Variants in PPP4R3B observed in about 807,000 individuals in gnomAD.
The protein encoded by PPP4R3B is protein phosphatase 4 regulatory subunit 3B, also known as serine/threonine-protein phosphatase 4 regulatory subunit 3B.
In PPP4R3B, 52 loss-of-function variants were observed where a neutral mutation model predicts 95.4. The observed-to-expected ratio is 0.54, with a 90% CI of 0.44 to 0.69. PPP4R3B has a LOEUF of 0.69. Ranked by LOEUF, PPP4R3B falls within the 30% of genes least tolerant of loss-of-function variation. The pLI is 0.00. For synonymous variants in PPP4R3B, 407 were observed against 343.9 expected, an observed-to-expected ratio of 1.18 and a Z score of -2.03; for missense variants, 1,003 against 1,005.9, an observed-to-expected ratio of 1.00 and a Z score of 0.04.
intron 7 of PPP4R3B, among the ~76,000 whole-genome samples, chr2:55,582,186 T>G (rs1689531694): frequency 6.6e-6 from 1 of 152,328 alleles, no homozygotes; most frequent in Middle Eastern, 3.4e-3. Flanking sequence ...TACACAACTC[T>G]TCATGCAAGT....
At chr2:55,565,074 A>T (rs765337429) in intron 13 of PPP4R3B, 33 bp from the exon 14 acceptor site, 2 of 1,476,438 alleles carry the variant, frequency 1.4e-6, no homozygotes, top group South Asian at 1.3e-5. Flanking sequence ...TTTAAAATAT[A>T]ATACAATGCT....
At chr2:55,556,228 T>C (rs535312704) in intron 16 of PPP4R3B, among the ~76,000 whole-genome samples, 1 of 152,324 alleles carries the variant, frequency 6.6e-6, no homozygotes, top group South Asian at 2.1e-4. Context: ...GTGTCTACAG[T>C]GATAGAGCAA....
In PPP4R3B at chr2:55,569,845, A is replaced by T. The variant is rs1687779236; in HGVS notation, c.1766-1482T>A. Among the ~76,000 whole-genome samples, 4 of 152,198 alleles carry T rather than the reference A, an allele frequency of 2.6e-5. No individual in the cohort carries two copies. The South Asian group carries it at 8.3e-4, about 32-fold the overall frequency. On this transcript the variant is annotated intron_variant, in intron 12 of 16. Coordinates refer to ENST00000616407, the MANE Select transcript of PPP4R3B (RefSeq NM_001122964.3). ...TATTTCTACAATCTCTCATCTCTGC[A>T]CACGGGGAGAAAAACCCACCGACCC...
At chr2:55,550,055 G>C (rs1685070697) in intron 16 of PPP4R3B, 49 bp from the exon 17 acceptor site, 2 of 1,213,130 alleles carry the variant, frequency 1.6e-6, no homozygotes, top group Non-Finnish European at 1.2e-6. Context: ...TAACAAAAAA[G>C]AGCTTTTAGT....
At chr2:55,568,163 A>T in intron 13 of PPP4R3B, 31 bp downstream of exon 13, 6 of 1,369,654 alleles carry the variant, frequency 4.4e-6, no homozygotes, top group Non-Finnish European at 5.8e-6. Flanking sequence ...ATATAATTAC[A>T]TATAATAACA....
intron 7 of PPP4R3B, 74 bp downstream of exon 7, chr2:55,584,977 T>A: frequency 9.1e-7 from 1 of 1,101,488 alleles, no homozygotes; most frequent in Non-Finnish European, 1.3e-6. Flanking sequence ...TATGTTATGT[T>A]TTTTCTCTCA....
chr2:55,557,202 A>G (rs575260577), intron 16 of PPP4R3B, among the ~76,000 whole-genome samples: 1 of 152,276 alleles, frequency 6.6e-6, no homozygotes, highest in South Asian at 2.1e-4. Context: ...TATGGCAAAT[A>G]TTCTTTTTTG....
At chr2:55,613,325 TTC>T (rs1156637286) in intron 2 of PPP4R3B, among the ~76,000 whole-genome samples, 10 of 151,460 alleles carry the variant, frequency 6.6e-5, no homozygotes, top group Admixed American at 1.3e-4. Context: ...ATTACCAGAG[TTC>T]TCTTATACAC....
intron 2 of PPP4R3B, among the ~76,000 whole-genome samples, chr2:55,606,870 G>A (rs1385980660): frequency 1.3e-5 from 2 of 148,190 alleles, no homozygotes; most frequent in South Asian, 2.1e-4. Flanking sequence ...TTTAATAACC[G>A]AACTTTTTGA....
intron 3 of PPP4R3B, among the ~76,000 whole-genome samples, chr2:55,600,329 G>A (rs2103691458): frequency 6.7e-6 from 1 of 148,338 alleles, no homozygotes; most frequent in Non-Finnish European, 1.5e-5. Context: ...GAGAGGCTGA[G>A]GCAGCAGAAC....
At chr2:55,606,632 G>A (rs1693438089) in intron 2 of PPP4R3B, among the ~76,000 whole-genome samples, 1 of 151,912 alleles carries the variant, frequency 6.6e-6, no homozygotes, top group South Asian at 2.1e-4. Flanking sequence ...GACCAGTATG[G>A]CCAACATGGT....
At chr2:55,554,612 G>C (rs1685609108) in intron 16 of PPP4R3B, among the ~76,000 whole-genome samples, 2 of 152,148 alleles carry the variant, frequency 1.3e-5, no homozygotes, top group South Asian at 2.1e-4. Flanking sequence ...GTCATGCTGA[G>C]GTGTAAGAGT....
chr2:55,556,826 G>A (rs905827594), intron 16 of PPP4R3B, among the ~76,000 whole-genome samples: 4 of 152,116 alleles, frequency 2.6e-5, no homozygotes, highest in Non-Finnish European at 4.4e-5. Flanking sequence ...TAACACTGTG[G>A]GAAGCTGAGC....
intron 12 of PPP4R3B, among the ~76,000 whole-genome samples, chr2:55,569,895 G>A (rs1458348697): frequency 1.3e-5 from 2 of 152,164 alleles, no homozygotes; most frequent in Non-Finnish European, 2.9e-5. Context: ...CTACACTAAA[G>A]AGGCTCCTGA....
At chr2:55,553,357 C>T (rs967718535) in intron 16 of PPP4R3B, among the ~76,000 whole-genome samples, 2 of 152,116 alleles carry the variant, frequency 1.3e-5, no homozygotes, top group African/African-American at 4.8e-5. Flanking sequence ...TAGATGGCTT[C>T]ACAGGAGTAT....
chr2:55,563,590 T>G (rs1286778198), intron 15 of PPP4R3B, among the ~76,000 whole-genome samples: 1 of 151,934 alleles, frequency 6.6e-6, no homozygotes, highest in African/African-American at 2.4e-5. Flanking sequence ...CCCAGGGTGG[T>G]TTGGAACTCC....
chr2:55,583,011 ATTTCC>A (rs932990012), intron 7 of PPP4R3B, among the ~76,000 whole-genome samples: 1 of 152,070 alleles, frequency 6.6e-6, no homozygotes, highest in African/African-American at 2.4e-5. Context: ...AAATGTTAAT[ATTTCC>A]TTTCATCTTA....
At chr2:55,616,814 G>A (rs961704629) in intron 1 of PPP4R3B, among the ~76,000 whole-genome samples, 1 of 152,062 alleles carries the variant, frequency 6.6e-6, no homozygotes, top group African/African-American at 2.4e-5. Flanking sequence ...TAAAGGGGGA[G>A]GAAGGTGTCA....
intron 4 of PPP4R3B, chr2:55,591,606 A>G (rs1303592071): frequency 7.1e-6 from 7 of 984,030 alleles, no homozygotes; most frequent in Non-Finnish European, 8.4e-6. Context: ...AAATATTTTC[A>G]TAAGAAAAAA....
Sources: gnomAD v4.1 joint callset for allele counts (sites outside exome capture counted in the v4.1 genomes callset) on GRCh38, gnomAD v4.1.1 for gene constraint, MANE v1.5 for transcripts, NCBI Gene and HGNC (gene_info 2026-07-23, HGNC 2026-07-21) for gene names.